Variants in SPMAP2L observed in about 807,000 individuals in gnomAD.
SPMAP2L encodes sperm microtubule associated protein 2-like.
chr4:56,603,146 G>T, the SPMAP2L span: 3 of 1,212,368 alleles, frequency 2.5e-6, no homozygotes, highest in Non-Finnish European at 3.4e-6. Context: ...GGATGCTTGA[G>T]AAACATTAGC....
At chr4:56,558,346 C>T in the SPMAP2L span, among the ~76,000 whole-genome samples, 38 of 152,128 alleles carry the variant, frequency 2.5e-4, no homozygotes, top group Admixed American at 7.2e-4. Flanking sequence ...TACTTTAAGC[C>T]AAATATCCTG....
chr4:56,585,843 G>A, the SPMAP2L span, among the ~76,000 whole-genome samples: 1 of 152,070 alleles, frequency 6.6e-6, no homozygotes, highest in African/African-American at 2.4e-5. Context: ...TTCACCACTA[G>A]CAATAGGATC....
At chr4:56,588,597 A>T in the SPMAP2L span, among the ~76,000 whole-genome samples, 235 of 152,106 alleles carry the variant, frequency 1.5e-3, no homozygotes, top group African/African-American at 4.2e-3. Flanking sequence ...ACGCCAGGCT[A>T]ATTTTGTATT....
At chr4:56,537,917 T>C in the SPMAP2L span, among the ~76,000 whole-genome samples, 1 of 152,022 alleles carries the variant, frequency 6.6e-6, no homozygotes, top group Non-Finnish European at 1.5e-5. Flanking sequence ...ATGGTCTTGA[T>C]CTCCTGACCT....
At chr4:56,615,345 C>T in the SPMAP2L span, among the ~76,000 whole-genome samples, 2 of 152,214 alleles carry the variant, frequency 1.3e-5, no homozygotes, top group Non-Finnish European at 2.9e-5. Context: ...CCCCAAAGTA[C>T]CTGCGATCAG....
the SPMAP2L span, among the ~76,000 whole-genome samples, chr4:56,588,618 A>G: frequency 6.6e-6 from 1 of 152,020 alleles, no homozygotes. Context: ...TTTAGTAGAG[A>G]TGGGGTTTCT....
chr4:56,606,880 T>C, the SPMAP2L span, among the ~76,000 whole-genome samples: 1 of 152,066 alleles, frequency 6.6e-6, no homozygotes, highest in African/African-American at 2.4e-5. Context: ...TGGAGGTGGG[T>C]AGGCCAAGTT....
At chr4:56,543,117 C>T in the SPMAP2L span, among the ~76,000 whole-genome samples, 2 of 148,876 alleles carry the variant, frequency 1.3e-5, no homozygotes, top group Non-Finnish European at 3.0e-5. Context: ...TTTTTTGAGA[C>T]GGAGTCTCCA....
chr4:56,561,913 G>A, the SPMAP2L span, among the ~76,000 whole-genome samples: 2 of 151,954 alleles, frequency 1.3e-5, no homozygotes, highest in African/African-American at 2.4e-5. Flanking sequence ...TAATAGAGAC[G>A]GGGTTTCATC....
the SPMAP2L span, among the ~76,000 whole-genome samples, chr4:56,543,929 TGAGAGAGAGA>T: frequency 0.12 from 15,491 of 131,308 alleles, 1,084 homozygotes; most frequent in Middle Eastern, 0.18. Context: ...TGTGTGTATG[TGAGAGAGAGA>T]GAGAGAGAGA....
At chr4:56,552,457 C>A in the SPMAP2L span, 2 of 710,008 alleles carry the variant, frequency 2.8e-6, no homozygotes, top group Non-Finnish European at 4.9e-6. Context: ...GGTTTTAGTT[C>A]TTTTTTTTCC....
chr4:56,531,052 G>T, the SPMAP2L span: 1 of 1,535,392 alleles, frequency 6.5e-7, no homozygotes, highest in South Asian at 1.2e-5. Context: ...CCACACCCGT[G>T]AGCCCCGCAA....
the SPMAP2L span, among the ~76,000 whole-genome samples, chr4:56,580,145 A>T: frequency 1.3e-5 from 2 of 152,212 alleles, no homozygotes; most frequent in African/African-American, 4.8e-5. Flanking sequence ...AATATAGTTT[A>T]TGAATATACA....
the SPMAP2L span, among the ~76,000 whole-genome samples, chr4:56,534,477 T>C: frequency 6.6e-6 from 1 of 152,210 alleles, no homozygotes; most frequent in African/African-American, 2.4e-5. Context: ...CTTCTAGAAC[T>C]TTCCTTATTC....
chr4:56,580,774 A>G, the SPMAP2L span, among the ~76,000 whole-genome samples: 1 of 152,234 alleles, frequency 6.6e-6, no homozygotes, highest in Non-Finnish European at 1.5e-5. Flanking sequence ...GAGCTAATAA[A>G]TTAGTTCAAG....
chr4:56,612,274 C>A, the SPMAP2L span, among the ~76,000 whole-genome samples: 1 of 152,204 alleles, frequency 6.6e-6, no homozygotes, highest in Non-Finnish European at 1.5e-5. Context: ...TTAAAACTTA[C>A]ATTTTATGAC....
the SPMAP2L span, among the ~76,000 whole-genome samples, chr4:56,584,972 T>C: frequency 2.0e-5 from 3 of 152,158 alleles, no homozygotes; most frequent in Admixed American, 6.5e-5. Flanking sequence ...ATGTCTATGA[T>C]AGGGGAAGCC....
chr4:56,563,132 A>C, the SPMAP2L span, among the ~76,000 whole-genome samples: 147 of 113,432 alleles, frequency 1.3e-3, no homozygotes, highest in Middle Eastern at 0.011. Context: ...TCACTCTGTC[A>C]CCCAGGCTGG....
the SPMAP2L span, among the ~76,000 whole-genome samples, chr4:56,610,873 T>C: frequency 1.3e-5 from 2 of 152,034 alleles, no homozygotes; most frequent in African/African-American, 4.8e-5. Context: ...ATGAGGGAAA[T>C]GCAAATCAAA....
Sources: allele counts gnomAD v4.1 joint callset (sites outside exome capture counted in the v4.1 genomes callset), GRCh38; gene constraint gnomAD v4.1.1; transcripts MANE v1.5; gene names NCBI Gene and HGNC (gene_info 2026-07-23, HGNC 2026-07-21).